TACR2: variants seen among roughly 807,000 people sequenced by gnomAD.
TACR2 encodes the protein tachykinin receptor 2, also known as substance-K receptor.
Under a neutral mutation model 28.9 loss-of-function variants are expected in TACR2, and 24 were observed. The ratio of observed to expected loss-of-function variants is 0.83; its 90% CI spans 0.60 to 1.17. The LOEUF is 1.17. Ranked by LOEUF, TACR2 falls within the 50% of genes most tolerant of loss-of-function variation. The probability of loss-of-function intolerance (pLI) is 0.00; values close to 1 mark genes in which losing one functional copy is unlikely to be tolerated. For synonymous variants in TACR2, 222 were observed against 212.6 expected (o/e 1.04, Z -0.38); for missense variants, 487 against 524.4 (o/e 0.93, Z 0.70).
intron 2 of TACR2, among the ~76,000 whole-genome samples, chr10:69,412,212 A>C (rs10733852): frequency 0.63 from 95,167 of 152,074 alleles, 30,623 homozygotes; most frequent in African/African-American, 0.74. Flanking sequence ...CTTGATAAAT[A>C]ATTTCTGTCT....
At chr10:69,409,886 TATAC>T (rs1564581043) in intron 2 of TACR2, among the ~76,000 whole-genome samples, 1 of 13,496 alleles carries the variant, frequency 7.4e-5, no homozygotes, top group African/African-American at 2.3e-4. Flanking sequence ...TATATACATA[TATAC>T]ATATATATAT....
At chr10:69,405,810 C>A (rs73276843) in intron 4 of TACR2, among the ~76,000 whole-genome samples, 5,983 of 152,208 alleles carry the variant, frequency 0.039, 345 homozygotes, top group African/African-American at 0.12. Flanking sequence ...GGGCTGGTGG[C>A]CCCTCCCAGA....
Position 69,405,056 on chromosome 10 carries a change from G to A in TACR2, c.967C>T (p.Arg323Cys), listed in dbSNP as rs148507693. The change falls in exon 5 of 5, where the codon CGC (arginine) becomes TGC (cysteine). Residue 323 changes from arginine (R) to cysteine (C), a missense_variant. Physicochemically the swap from Arg to Cys is radical, Grantham distance 180. Transcript: ENST00000373306. The part of the protein sequence containing the change: ...RFRSGFRLAF[R>C]CCPWVTPTKE... Reference sequence around the variant, plus strand: ...GTGGGTGTGACCCATGGGCAGCAGCGGAAGGCAAGCCGGAATCCAGAGCGA... The same window carrying A: ...GTGGGTGTGACCCATGGGCAGCAGCAGAAGGCAAGCCGGAATCCAGAGCGA... The A allele has an allele frequency of 1.1e-5, 18 of 1,613,742 alleles. No homozygotes were observed. The highest frequency in any genetic ancestry group is 6.7e-5 in the African/African-American group (5 of 74,902).
chr10:69,404,802 C>T lies in TACR2; in HGVS notation c.*24G>A, dbSNP rs200889575. On this transcript the variant is annotated 3_prime_UTR_variant, in exon 5 of 5. Coordinates refer to ENST00000373306, the MANE Select transcript of TACR2 (RefSeq NM_001057.3). ...CCCAAACACCTCCCACTAACCCCTA[C>T]CTCCCAACACTGCCACATTGGGATC... 57 of 1,348,430 alleles carry T rather than the reference C, an allele frequency of 4.2e-5. No homozygotes were observed. The highest frequency in any genetic ancestry group is 4.4e-5 in the Non-Finnish European group (43 of 987,944). 83.5% of individuals were successfully genotyped at this position (1,348,430 alleles called of 1,614,324 possible). A position where few individuals can be genotyped will look rare whatever the true frequency, so the allele number is the denominator to read the frequency against.
chr10:69,414,897 ACT>A (rs774985287), intron 2 of TACR2, 46 bp downstream of exon 2: 2 of 1,562,484 alleles, frequency 1.3e-6, no homozygotes, highest in African/African-American at 1.4e-5. Context: ...ACACACACAG[ACT>A]CACACACACA....
rs779892027 is a variant in TACR2, at chr10:69,408,955, A to T, written c.708T>A (p.Gly236=). The part of the protein sequence containing the change: ...RRAVPGHQAH[G]ANLRHLQAMK... ...TGGCCTGCAGGTGGCGCAGGTTGGC[A>T]CCGTGCGCCTGATGTCCGGGCACTG... is the stretch of plus-strand genomic sequence containing the variant. The change falls in exon 3 of 5, where the codon GGT becomes GGA. Residue 236 remains glycine (G), a synonymous_variant. Transcript: ENST00000373306. 23 of 1,583,592 alleles carry T rather than the reference A, an allele frequency of 1.5e-5. No homozygotes were observed. Among genetic ancestry groups the T allele is most frequent in the Admixed American group, 3.6e-5 (2 of 55,198 alleles).
chr10:69,409,894 T>TAC (rs1840549807), intron 2 of TACR2, among the ~76,000 whole-genome samples: 2 of 16,842 alleles, frequency 1.2e-4, no homozygotes, highest in African/African-American at 3.8e-4. Flanking sequence ...TATATACATA[T>TAC]ATATATATAC....
chr10:69,416,454 C>T lies in TACR2; in HGVS notation c.-131G>A. 5.3e-6 allele frequency: 7 copies of T among 1,311,368 alleles called. No individual in the cohort carries two copies. The allele number at this position is 1,311,368 out of a possible 1,614,324, so 81.2% of individuals were successfully genotyped here. The stretch of plus-strand genomic sequence containing the variant: ...GGAGCAGATGCCAAGCGTGGTGGCA[C>T]ATCAGGAGAGCCTGGGGCCACTCCT... On this transcript the variant is annotated 5_prime_UTR_variant, in exon 1 of 5. In the 5' UTR this introduces an upstream ATG that the reference lacks. Coordinates refer to ENST00000373306, the MANE Select transcript of TACR2 (RefSeq NM_001057.3).
intron 2 of TACR2, 133 bp from the exon 3 acceptor site, chr10:69,409,208 C>G: frequency 2.0e-6 from 2 of 994,090 alleles, no homozygotes; most frequent in South Asian, 2.3e-5. Context: ...CTCCCAGGGA[C>G]TTGGTTTGAT....
rs780215164 is a variant in TACR2, at chr10:69,405,076, G to A, written c.947C>T (p.Ser316Phe). The part of the protein sequence containing the change: ...IYCCLNHRFR[S>F]GFRLAFRCCP... ...GCAGCGGAAGGCAAGCCGGAATCCA[G>A]AGCGAAACCTGGGGGAGCGAGGGGC... Residue 316 changes from serine (S) to phenylalanine (F), a missense_variant, in exon 5 of 5, where the codon TCT (serine) becomes TTT (phenylalanine). Transcript: ENST00000373306. 6.2e-7 allele frequency: 1 copy of A among 1,613,656 alleles called. No homozygotes were observed.
intron 2 of TACR2, 109 bp downstream of exon 2, chr10:69,414,836 A>G (rs1840597868): frequency 8.1e-7 from 1 of 1,241,860 alleles, no homozygotes; most frequent in Admixed American, 2.1e-5. Context: ...ACACCCATGC[A>G]TGCACACCAC....
intron 2 of TACR2, among the ~76,000 whole-genome samples, chr10:69,409,880 TAC>T (rs1180410310): frequency 1.5e-4 from 5 of 33,552 alleles, no homozygotes; most frequent in African/African-American, 8.4e-4. Flanking sequence ...TATATATATA[TAC>T]ATATATACAT....
At position 69,405,044 on chromosome 10, in the gene TACR2, AT is replaced by A. The variant is rs1564579438; in HGVS notation, c.978del (p.Trp327GlyfsTer12). The stretch of plus-strand genomic sequence containing the variant: ...TTATCTTCCTTGGTGGGTGTGACCC[AT>A]GGGCAGCAGCGGAAGGCAAGCCGGA... ...SGFRLAFRCCPWVTPTKEDKL... is the reference protein window; with the variant it reads ...SGFRLAFRCCXWVTPTKEDKL... On this transcript the variant is annotated frameshift_variant, in exon 5 of 5. Transcript: ENST00000373306. LOFTEE classifies it high-confidence loss of function. 10 of 1,613,856 alleles carry A rather than the reference AT, an allele frequency of 6.2e-6. No individual in the cohort carries two copies. The highest frequency in any genetic ancestry group is 1.3e-5 in the African/African-American group (1 of 74,912).
At position 69,416,108 on chromosome 10, in the gene TACR2, G is replaced by A. The variant is rs201317512; in HGVS notation, c.216C>T (p.Ile72=). Residue 72 remains isoleucine, a synonymous_variant, in exon 1 of 5, where the codon ATC becomes ATT. Transcript: ENST00000373306. ...AGAGGTCAGCCAGCGCCAGATTGAC[G>A]ATGAAGTAGTTGGTGACTGTGCGCA... is the stretch of plus-strand genomic sequence containing the variant. ...RRMRTVTNYF[I]VNLALADLCM... The A allele has an allele frequency of 7.4e-6, 12 of 1,614,218 alleles. No homozygotes were observed. In the Admixed American group the frequency reaches 1.2e-4, roughly 16 times the overall value.
At chr10:69,413,427 A>G (rs1003424804) in intron 2 of TACR2, among the ~76,000 whole-genome samples, 4 of 152,170 alleles carry the variant, frequency 2.6e-5, no homozygotes, top group Non-Finnish European at 5.9e-5. Context: ...ATGAAGATGG[A>G]GAAATACCGA....
At position 69,415,055 on chromosome 10, in the gene TACR2, AG is replaced by A; in HGVS notation, c.476del (p.Ala159ValfsTer43). ...KAVIAGIWLV[A>X]LALASPQCFY... is the part of the protein sequence containing the mutation. Reference sequence around the variant, plus strand: ...AGCACTGAGGGGAGGCCAGGGCGAGAGCCACCAGCCAGATGCCAGCAATAAC... The same window carrying A: ...AGCACTGAGGGGAGGCCAGGGCGAGACCACCAGCCAGATGCCAGCAATAAC... On this transcript the variant is annotated frameshift_variant, in exon 2 of 5. Transcript: ENST00000373306. LOFTEE classifies it high-confidence loss of function. 6.2e-7 allele frequency: 1 copy of A among 1,613,746 alleles called. No individual in the cohort carries two copies. Among genetic ancestry groups the A allele is most frequent in the Non-Finnish European group, 8.5e-7 (1 of 1,180,004 alleles).
chr10:69,409,927 AT>A (rs1840554151), intron 2 of TACR2, among the ~76,000 whole-genome samples: 2 of 74,856 alleles, frequency 2.7e-5, no homozygotes, highest in South Asian at 9.9e-4. Flanking sequence ...ATATATATAT[AT>A]ATATATATAT....
At position 69,409,112 on chromosome 10, in the gene TACR2, C is replaced by A. The variant is rs545373959; in HGVS notation, c.588-37G>T. ...GCCGAGGCCTGGGCAGCGGAGGGCC[C>A]GGGGGCGACTCCGAAGTCTGCCAGC... On this transcript the variant is annotated intron_variant, in intron 2 of 4. Coordinates refer to ENST00000373306, the MANE Select transcript of TACR2 (RefSeq NM_001057.3). 6.0e-6 allele frequency: 9 copies of A among 1,509,438 alleles called. No individual in the cohort carries two copies. The African/African-American group carries it at 9.9e-5, about 17-fold the overall frequency. 93.5% of individuals were successfully genotyped at this position (1,509,438 alleles called of 1,614,324 possible).
At chr10:69,412,771 G>C (rs1840579928) in intron 2 of TACR2, among the ~76,000 whole-genome samples, 1 of 152,190 alleles carries the variant, frequency 6.6e-6, no homozygotes, top group South Asian at 2.1e-4. Context: ...TGCAGGACAG[G>C]AATTCACCCT....
Sources: gnomAD v4.1 joint callset for allele counts (sites outside exome capture counted in the v4.1 genomes callset) on GRCh38, gnomAD v4.1.1 for gene constraint, MANE v1.5 for transcripts, NCBI Gene and HGNC (gene_info 2026-07-23, HGNC 2026-07-21) for gene names.